Variants in PIKFYVE observed in about 807,000 individuals in gnomAD.
PIKFYVE encodes phosphoinositide kinase, FYVE-type zinc finger containing.
A neutral mutation model predicts 257.9 loss-of-function variants in PIKFYVE; 122 were observed. The observed-to-expected ratio is 0.47, with a 90% CI of 0.41 to 0.55. The LOEUF is 0.55. PIKFYVE is among the 20% of genes least tolerant of loss of function. The pLI is 0.00. For synonymous variants in PIKFYVE, 892 were observed against 868.9 expected (o/e 1.03, Z -0.47); for missense variants, 2,160 against 2,536.6 (o/e 0.85, Z 3.19).
At position 208,357,503 on chromosome 2, in the gene PIKFYVE, G is replaced by A. The variant is rs1221884915; in HGVS notation, c.*2198G>A. 6.6e-6 allele frequency: 1 copy of A among 152,204 alleles called. No homozygotes were observed. Among genetic ancestry groups the A allele is most frequent in the African/African-American group, 2.4e-5 (1 of 41,456 alleles). 9.4% of individuals were successfully genotyped at this position (152,204 alleles called of 1,614,324 possible). A position where few individuals can be genotyped will look rare whatever the true frequency, so the allele number is the denominator to read the frequency against. On this transcript the variant is annotated 3_prime_UTR_variant, in exon 42 of 42. Transcript: ENST00000264380. ...CCTTGCCCATGACTTGAACAACTGT[G>A]TTTTAAAGTACTGTAGTCTAGTAGG...
chr2:208,356,567 T>G lies in PIKFYVE; in HGVS notation c.*1262T>G, dbSNP rs6725527. The G allele has an allele frequency of 0.099, 15,110 of 152,700 alleles. 832 individuals are homozygous for G. Among genetic ancestry groups the G allele is most frequent in the Non-Finnish European group, 0.12 (7,930 of 68,144 alleles). 9.5% of individuals were successfully genotyped at this position (152,700 alleles called of 1,614,324 possible). A position where few individuals can be genotyped will look rare whatever the true frequency, so the allele number is the denominator to read the frequency against. On this transcript the variant is annotated 3_prime_UTR_variant, in exon 42 of 42. Transcript: ENST00000264380. ...TACTTGGGTGGCTGAGGCAGGAGAA[T>G]TGTTTGAACCTGGGAGGCGGAGGCT...
At chr2:208,352,425 T>G (rs996301934) in intron 38 of PIKFYVE, among the ~76,000 whole-genome samples, 2 of 152,172 alleles carry the variant, frequency 1.3e-5, no homozygotes, top group Admixed American at 6.5e-5. Flanking sequence ...GTTTTTGAAT[T>G]TAATCAACTG....
At position 208,326,111 on chromosome 2, in the gene PIKFYVE, C is replaced by G; in HGVS notation, c.3300C>G (p.Asn1100Lys). 6.2e-7 allele frequency: 1 copy of G among 1,614,088 alleles called. No homozygotes were observed. The highest frequency in any genetic ancestry group is 8.5e-7 in the Non-Finnish European group (1 of 1,180,026). ...ATAAAGAATTCAAAGAAATGGAGAA[C>G]AGGAGGAAGAAACAGCTGCTCAGGG... ...LLNKEFKEME[N>K]RRKKQLLRDL... The change falls in exon 20 of 42, where the codon AAC (asparagine) becomes AAG (lysine). Residue 1100 changes from asparagine to lysine, a missense_variant. Asn to Lys is a moderately conservative substitution (Grantham distance 94). Around this residue, in one of 12 missense-constraint regions of PIKFYVE, gnomAD observed 522 missense variants for 514.6 expected, o/e 1.01. Coordinates refer to ENST00000264380, the MANE Select transcript of PIKFYVE (RefSeq NM_015040.4).
chr2:208,333,349 G>C lies in PIKFYVE; in HGVS notation c.3998G>C (p.Trp1333Ser). ...TPVVALSNES[W>S]SMSFAKYLEL... ...GTTGTTGCTCTTTCCAATGAGTCCTGGTCTATGTCATTTGCAAAATACCTT... is the reference window on the plus strand; with the variant it reads ...GTTGTTGCTCTTTCCAATGAGTCCTCGTCTATGTCATTTGCAAAATACCTT... Residue 1333 changes from tryptophan (W) to serine (S), a missense_variant, in exon 24 of 42, where the codon TGG becomes TCG. Physicochemically the swap from Trp to Ser is radical, Grantham distance 177 (BLOSUM62 -3). Coordinates refer to ENST00000264380, the MANE Select transcript of PIKFYVE (RefSeq NM_015040.4). The C allele has an allele frequency of 6.2e-7, 1 of 1,614,076 alleles. No individual in the cohort carries two copies. Among genetic ancestry groups the C allele is most frequent in the South Asian group, 1.1e-5 (1 of 91,076 alleles).
intron 1 of PIKFYVE, chr2:208,269,920 GC>G: frequency 3.7e-6 from 1 of 267,466 alleles, no homozygotes; most frequent in Non-Finnish European, 7.7e-6. Flanking sequence ...GAGATGGAGG[GC>G]CCTGCTGGTT....
At chr2:208,332,535 T>C (rs747139594) in intron 23 of PIKFYVE, among the ~76,000 whole-genome samples, 2 of 152,146 alleles carry the variant, frequency 1.3e-5, no homozygotes, top group Non-Finnish European at 2.9e-5. Flanking sequence ...CAGAACATCA[T>C]CTCAGTGTGG....
At chr2:208,269,638 T>A in intron 1 of PIKFYVE, 1 of 257,138 alleles carries the variant, frequency 3.9e-6, no homozygotes, top group Non-Finnish European at 8.1e-6. Flanking sequence ...CCCCAGGACC[T>A]TCATCACCTT....
intron 1 of PIKFYVE, chr2:208,269,938 A>G: frequency 4.0e-6 from 1 of 250,054 alleles, no homozygotes; most frequent in South Asian, 7.7e-5. Flanking sequence ...GGTTCCTCCC[A>G]GAATATCCTT....
intron 20 of PIKFYVE, among the ~76,000 whole-genome samples, chr2:208,326,653 G>T (rs899034636): frequency 3.3e-5 from 5 of 152,190 alleles, no homozygotes; most frequent in African/African-American, 1.2e-4. Flanking sequence ...TTTAAGGTGA[G>T]CTTATAATAA....
Position 208,320,166 on chromosome 2 carries a change from A to G in PIKFYVE, c.2083-86A>G. On this transcript the variant is annotated intron_variant, in intron 16 of 41. Transcript: ENST00000264380. ...ATACATTAAGTTAGTAGGAATTATGAACAATATAGATTTAAAGTTATAATT... is the reference window on the plus strand; with the variant it reads ...ATACATTAAGTTAGTAGGAATTATGGACAATATAGATTTAAAGTTATAATT... The G allele has an allele frequency of 6.0e-6, 9 of 1,498,260 alleles. No homozygotes were observed. The South Asian group carries it at 1.2e-4, about 19-fold the overall frequency. 92.8% of individuals were successfully genotyped at this position (1,498,260 alleles called of 1,614,324 possible). A position where few individuals can be genotyped will look rare whatever the true frequency, so the allele number is the denominator to read the frequency against.
intron 3 of PIKFYVE, chr2:208,274,092 T>C (rs755210353): frequency 1.1e-5 from 18 of 1,596,514 alleles, no homozygotes; most frequent in Admixed American, 1.7e-5. Flanking sequence ...GCATCTGTTC[T>C]TGGGGTGCTA....
At chr2:208,286,604 A>G (rs1387883173) in intron 6 of PIKFYVE, among the ~76,000 whole-genome samples, 1 of 151,866 alleles carries the variant, frequency 6.6e-6, no homozygotes, top group East Asian at 1.9e-4. Context: ...TGGCGTGATC[A>G]TAGCTCAGGG....
At chr2:208,316,220 G>T (rs1695500956) in intron 15 of PIKFYVE, among the ~76,000 whole-genome samples, 1 of 151,932 alleles carries the variant, frequency 6.6e-6, no homozygotes, top group Non-Finnish European at 1.5e-5. Flanking sequence ...CTTTTTTATG[G>T]TTGCATAGCA....
At chr2:208,335,281 A>G (rs41308216) in intron 24 of PIKFYVE, 25 bp from the exon 25 acceptor site, 25,381 of 1,454,726 alleles carry the variant, frequency 0.017, 279 homozygotes, top group Middle Eastern at 0.02. Context: ...TTCATTTTCT[A>G]TTGGTCCTTG....
intron 7 of PIKFYVE, among the ~76,000 whole-genome samples, chr2:208,294,997 G>T (rs1692783851): frequency 6.6e-6 from 1 of 152,160 alleles, no homozygotes; most frequent in Non-Finnish European, 1.5e-5. Context: ...CCTAGAATTT[G>T]TATCTCTGGT....
At chr2:208,328,955 AT>A (rs1264635151) in intron 21 of PIKFYVE, among the ~76,000 whole-genome samples, 3 of 152,206 alleles carry the variant, frequency 2.0e-5, no homozygotes, top group Admixed American at 6.5e-5. Flanking sequence ...AGCATGTACA[AT>A]TTAGGCAGGT....
At chr2:208,291,024 C>T (rs970363624) in intron 7 of PIKFYVE, among the ~76,000 whole-genome samples, 15 of 152,130 alleles carry the variant, frequency 9.9e-5, no homozygotes, top group African/African-American at 3.6e-4. Flanking sequence ...GCTAAAACTT[C>T]TAGTCCAATG....
intron 1 of PIKFYVE, chr2:208,269,494 T>C: frequency 3.9e-6 from 1 of 255,740 alleles, no homozygotes; most frequent in Non-Finnish European, 8.2e-6. Context: ...GTTCCCCTCC[T>C]TGACTAACAC....
intron 28 of PIKFYVE, among the ~76,000 whole-genome samples, chr2:208,337,348 A>G (rs1279352835): frequency 6.6e-6 from 1 of 152,070 alleles, no homozygotes; most frequent in Admixed American, 6.6e-5. Flanking sequence ...TTCTTTTTCA[A>G]CTGTGTTAGT....
Sources: allele counts gnomAD v4.1 joint callset (sites outside exome capture counted in the v4.1 genomes callset), GRCh38; gene constraint gnomAD v4.1.1; regional missense constraint gnomAD v4.1.1; transcripts MANE v1.5; gene names NCBI Gene and HGNC (gene_info 2026-07-23, HGNC 2026-07-21).